ANKHD1: variants seen among roughly 807,000 people sequenced by gnomAD.
ANKHD1 encodes ankyrin repeat and KH domain-containing protein 1.
In ANKHD1, 31 loss-of-function variants were observed where a neutral mutation model predicts 230.5. The ratio of observed to expected loss-of-function variants is 0.13; its 90% CI spans 0.10 to 0.18. ANKHD1 has a LOEUF of 0.18. ANKHD1 is among the 10% of genes least tolerant of loss of function. ANKHD1 has a pLI of 1.00. For missense variants in ANKHD1, 2,256 were observed against 3,071.3 expected, an observed-to-expected ratio of 0.73 and a Z score of 6.27; for synonymous variants, 1,074 against 1,117.6, an observed-to-expected ratio of 0.96 and a Z score of 0.78.
rs774627679 is a variant in ANKHD1, at chr5:140,510,110, G to A, written c.4033G>A (p.Val1345Met). 2.5e-6 allele frequency: 4 copies of A among 1,613,978 alleles called. No homozygotes were observed. In the Admixed American group the frequency reaches 5.0e-5, roughly 20 times the overall value. The stretch of plus-strand genomic sequence containing the variant: ...TCATTTTGATGTTGTGCAGTTGCTA[G>A]TGCAAGCAGGTGCTGATGTGGATGC... ...GGHFDVVQLL[V>M]QAGADVDAAD... Residue 1345 changes from valine to methionine, a missense_variant, in exon 22 of 34, where the codon GTG (valine) becomes ATG (methionine). Coordinates refer to ENST00000360839, the MANE Select transcript of ANKHD1 (RefSeq NM_017747.3).
At chr5:140,414,796 C>A (rs1303095172) in intron 1 of ANKHD1, among the ~76,000 whole-genome samples, 6 of 149,460 alleles carry the variant, frequency 4.0e-5, no homozygotes, top group African/African-American at 1.5e-4. Context: ...CTGCCACTGT[C>A]ACTGCACTCC....
At chr5:140,474,955 T>C (rs1016170004) in intron 10 of ANKHD1, among the ~76,000 whole-genome samples, 1 of 152,122 alleles carries the variant, frequency 6.6e-6, no homozygotes, top group African/African-American at 2.4e-5. Context: ...ACTTTTTTAT[T>C]AAGGAATAGC....
intron 14 of ANKHD1, among the ~76,000 whole-genome samples, chr5:140,490,659 T>C (rs1751731922): frequency 6.6e-6 from 1 of 152,246 alleles, no homozygotes. Context: ...TATAACTGGT[T>C]CTACAGAAAG....
intron 7 of ANKHD1, among the ~76,000 whole-genome samples, chr5:140,450,946 A>G (rs1581263839): frequency 6.6e-6 from 1 of 152,074 alleles, no homozygotes; most frequent in South Asian, 2.1e-4. Context: ...TGAGGCCAGG[A>G]CTTCAAGACC....
intron 1 of ANKHD1, among the ~76,000 whole-genome samples, chr5:140,420,809 T>A (rs1771913640): frequency 6.6e-6 from 1 of 152,206 alleles, no homozygotes; most frequent in Non-Finnish European, 1.5e-5. Context: ...TTGGTTATTC[T>A]GGGTTATTGG....
chr5:140,428,774 CTTTTTA>C (rs952282579), intron 1 of ANKHD1, among the ~76,000 whole-genome samples: 27 of 152,036 alleles, frequency 1.8e-4, no homozygotes, highest in African/African-American at 4.3e-4. Flanking sequence ...CTAGAATATT[CTTTTTA>C]TTTTTATTTT....
chr5:140,490,414 C>T (rs1751720721), intron 14 of ANKHD1, among the ~76,000 whole-genome samples: 1 of 152,152 alleles, frequency 6.6e-6, no homozygotes, highest in South Asian at 2.1e-4. Context: ...TGTACAGGCT[C>T]CGTCCATCTT....
At chr5:140,423,016 C>T in intron 1 of ANKHD1, among the ~76,000 whole-genome samples, 1 of 151,706 alleles carries the variant, frequency 6.6e-6, no homozygotes, top group Admixed American at 6.6e-5. Flanking sequence ...CACACCCCAC[C>T]CCTGCAGCTG....
chr5:140,474,651 C>A (rs1398379300), intron 10 of ANKHD1, among the ~76,000 whole-genome samples: 1 of 133,520 alleles, frequency 7.5e-6, no homozygotes, highest in African/African-American at 2.8e-5. Context: ...GGCTAGAGTA[C>A]AAAAGCGTGA....
intron 29 of ANKHD1, among the ~76,000 whole-genome samples, chr5:140,534,406 AG>A (rs1279618998): frequency 2.6e-5 from 4 of 151,912 alleles, no homozygotes; most frequent in Non-Finnish European, 5.9e-5. Flanking sequence ...AAAAAAAAAA[AG>A]AAATGGAAAT....
chr5:140,437,952 G>A (rs1378338278), intron 2 of ANKHD1, among the ~76,000 whole-genome samples: 2 of 152,098 alleles, frequency 1.3e-5, no homozygotes, highest in African/African-American at 2.4e-5. Flanking sequence ...TGGGTATTGT[G>A]TATATAATTT....
At chr5:140,446,483 C>T (rs1379044342) in intron 6 of ANKHD1, among the ~76,000 whole-genome samples, 2 of 152,178 alleles carry the variant, frequency 1.3e-5, no homozygotes, top group Non-Finnish European at 1.5e-5. Context: ...ACCTCAGCCT[C>T]CCAAGTAGCT....
intron 11 of ANKHD1, 30 bp downstream of exon 11, chr5:140,482,697 G>T: frequency 6.2e-7 from 1 of 1,603,862 alleles, no homozygotes. Context: ...TCATTTCCAA[G>T]AGGCTACAGT....
At chr5:140,425,256 G>T (rs56723475) in intron 1 of ANKHD1, among the ~76,000 whole-genome samples, 9 of 152,070 alleles carry the variant, frequency 5.9e-5, no homozygotes, top group African/African-American at 2.2e-4. Context: ...TATGATTTCT[G>T]TTTTTTATTA....
At chr5:140,513,264 A>C in intron 23 of ANKHD1, 99 bp from the exon 24 acceptor site, 5 of 1,220,960 alleles carry the variant, frequency 4.1e-6, no homozygotes, top group Non-Finnish European at 5.6e-6. Context: ...GTGACTTTTC[A>C]GTTTGAACTT....
Position 140,526,026 on chromosome 5 carries a change from G to C in ANKHD1, c.4523G>C (p.Ser1508Thr), listed in dbSNP as rs1753595563. Reference protein sequence around the residue: ...VEQEVPIEPPSATTTTTIGIS... With the variant: ...VEQEVPIEPPTATTTTTIGIS... ...CAAGAAGTTCCCATAGAACCTCCTA[G>C]TGCAACCACCACCACTACGATTGGA... is the stretch of plus-strand genomic sequence containing the variant. Residue 1508 changes from serine to threonine, a missense_variant, in exon 26 of 34, where the codon AGT (serine) becomes ACT (threonine). This residue lies in a region of ANKHD1 where 212 missense variants were observed against 257.3 expected (regional missense o/e 0.82). Transcript: ENST00000360839. The C allele has an allele frequency of 6.3e-7, 1 of 1,596,862 alleles. No individual in the cohort carries two copies. The highest frequency in any genetic ancestry group is 1.1e-5 in the South Asian group (1 of 87,244).
chr5:140,471,147 G>C (rs1227683729), intron 10 of ANKHD1, among the ~76,000 whole-genome samples: 1 of 152,042 alleles, frequency 6.6e-6, no homozygotes, highest in Non-Finnish European at 1.5e-5. Flanking sequence ...TCAGATTTTG[G>C]AGCATTTCAG....
Position 140,441,056 on chromosome 5 carries a change from T to G in ANKHD1, c.827T>G (p.Leu276Arg), listed in dbSNP as rs1318166968. 1 of 1,612,390 alleles carries G rather than the reference T, an allele frequency of 6.2e-7. No individual in the cohort carries two copies. Residue 276 changes from leucine to arginine, a missense_variant, in exon 5 of 34, where the codon CTG (leucine) becomes CGG (arginine). Coordinates refer to ENST00000360839, the MANE Select transcript of ANKHD1 (RefSeq NM_017747.3). Reference sequence around the variant, plus strand: ...GGGAATAAAGGAGACATAACTCCCCTGATGGCAGCTTCCAGTGGAGGTTAC... The same window carrying G: ...GGGAATAAAGGAGACATAACTCCCCGGATGGCAGCTTCCAGTGGAGGTTAC... ...DRGNKGDITP[L>R]MAASSGGYLD... is the part of the protein sequence containing the mutation.
At chr5:140,524,404 G>T (rs1242975849) in intron 25 of ANKHD1, among the ~76,000 whole-genome samples, 164 bp downstream of exon 25, 1 of 152,172 alleles carries the variant, frequency 6.6e-6, no homozygotes, top group Non-Finnish European at 1.5e-5. Flanking sequence ...GTTTTGCATT[G>T]TAAATTAATG....
Sources: allele counts gnomAD v4.1 joint callset (sites outside exome capture counted in the v4.1 genomes callset), GRCh38; gene constraint gnomAD v4.1.1; regional missense constraint gnomAD v4.1.1; transcripts MANE v1.5; gene names NCBI Gene and HGNC (gene_info 2026-07-23, HGNC 2026-07-21).